EML5: variants seen among roughly 807,000 people sequenced by gnomAD.
The protein encoded by EML5 is echinoderm microtubule-associated protein-like 5.
A neutral mutation model predicts 250.0 loss-of-function variants in EML5; 120 were observed. That is an observed-to-expected ratio of 0.48 (90% CI 0.41 to 0.56). The LOEUF is 0.56. EML5 is among the 20% of genes least tolerant of loss of function. The probability of loss-of-function intolerance (pLI) is 0.00; values close to 1 mark genes in which losing one functional copy is unlikely to be tolerated. For missense variants in EML5, 2,006 were observed against 2,437.6 expected (o/e 0.82, Z 3.73); for synonymous variants, 771 against 806.5 (o/e 0.96, Z 0.75).
intron 2 of EML5, among the ~76,000 whole-genome samples, chr14:88,751,157 T>C (rs988622479): frequency 6.6e-6 from 1 of 152,164 alleles, no homozygotes; most frequent in African/African-American, 2.4e-5. Context: ...TATGCATAGA[T>C]TACGCAACAA....
At chr14:88,678,776 T>G (rs1002819902) in intron 21 of EML5, among the ~76,000 whole-genome samples, 2 of 152,180 alleles carry the variant, frequency 1.3e-5, no homozygotes, top group African/African-American at 4.8e-5. Context: ...ACTGTGAGAA[T>G]AATTCTTATT....
intron 1 of EML5, among the ~76,000 whole-genome samples, chr14:88,774,034 G>A (rs574004601): frequency 2.0e-5 from 3 of 152,104 alleles, no homozygotes; most frequent in Admixed American, 6.6e-5. Context: ...CAAGATAATC[G>A]CTCGAACCCG....
chr14:88,675,286 C>T (rs557024681), intron 21 of EML5, among the ~76,000 whole-genome samples: 1 of 152,348 alleles, frequency 6.6e-6, no homozygotes, highest in East Asian at 1.9e-4. Context: ...CAAACTTCTG[C>T]CTGGGCATCC....
At chr14:88,745,128 AAT>A (rs1160052598) in intron 3 of EML5, among the ~76,000 whole-genome samples, 1 of 149,636 alleles carries the variant, frequency 6.7e-6, no homozygotes, top group Non-Finnish European at 1.5e-5. Context: ...TGTCTAATAA[AAT>A]ATATCCAACA....
At chr14:88,728,618 TGAG>T (rs2093703899) in intron 7 of EML5, among the ~76,000 whole-genome samples, 1 of 152,120 alleles carries the variant, frequency 6.6e-6, no homozygotes, top group Non-Finnish European at 1.5e-5. Context: ...TTGTGTAGGC[TGAG>T]GAGGAGGAAG....
At chr14:88,704,627 G>A (rs980667798) in intron 13 of EML5, among the ~76,000 whole-genome samples, 2 of 152,082 alleles carry the variant, frequency 1.3e-5, no homozygotes, top group Admixed American at 6.6e-5. Flanking sequence ...TCCCAACAAT[G>A]TCCTTTATAA....
intron 17 of EML5, among the ~76,000 whole-genome samples, chr14:88,688,708 G>A (rs1459265061): frequency 6.6e-6 from 1 of 152,164 alleles, no homozygotes; most frequent in Non-Finnish European, 1.5e-5. Context: ...GTTTTAATCA[G>A]CCCTTAGCAC....
chr14:88,739,433 G>T (rs2140235821), intron 5 of EML5, among the ~76,000 whole-genome samples: 1 of 151,988 alleles, frequency 6.6e-6, no homozygotes, highest in South Asian at 2.1e-4. Context: ...AAATATCAAG[G>T]CATGACTATA....
At chr14:88,765,799 C>A (rs1312902101) in intron 1 of EML5, among the ~76,000 whole-genome samples, 6 of 152,152 alleles carry the variant, frequency 3.9e-5, no homozygotes, top group African/African-American at 1.4e-4. Flanking sequence ...CATTTTTCTA[C>A]AACTTCTATT....
chr14:88,737,272 C>T (rs1421731915), intron 6 of EML5, among the ~76,000 whole-genome samples: 1 of 152,216 alleles, frequency 6.6e-6, no homozygotes, highest in Admixed American at 6.5e-5. Flanking sequence ...TGCTGTAACA[C>T]CCCCTTTGGG....
chr14:88,660,138 C>T (rs534523194), intron 25 of EML5, among the ~76,000 whole-genome samples: 2 of 151,816 alleles, frequency 1.3e-5, no homozygotes, highest in South Asian at 2.1e-4. Flanking sequence ...TTTACATTAG[C>T]CAGGCATGGT....
At chr14:88,775,918 A>AGC in intron 1 of EML5, among the ~76,000 whole-genome samples, 1 of 152,184 alleles carries the variant, frequency 6.6e-6, no homozygotes, top group Non-Finnish European at 1.5e-5. Flanking sequence ...AGAGAGAGAG[A>AGC]GAGAGACTCC....
At chr14:88,722,933 A>G (rs963195268) in intron 8 of EML5, among the ~76,000 whole-genome samples, 1 of 152,174 alleles carries the variant, frequency 6.6e-6, no homozygotes, top group Non-Finnish European at 1.5e-5. Context: ...AAATGTTCAT[A>G]AGAGCTAAGA....
At chr14:88,772,318 C>A (rs1239359241) in intron 1 of EML5, among the ~76,000 whole-genome samples, 2 of 152,276 alleles carry the variant, frequency 1.3e-5, no homozygotes, top group East Asian at 3.9e-4. Flanking sequence ...TATTGCTTCC[C>A]TTTAGAGCTT....
At chr14:88,764,483 TTC>T (rs2094293652) in intron 1 of EML5, among the ~76,000 whole-genome samples, 1 of 152,202 alleles carries the variant, frequency 6.6e-6, no homozygotes, top group Non-Finnish European at 1.5e-5. Context: ...AATTTTTGTC[TTC>T]TCTTTTTTAT....
intron 7 of EML5, among the ~76,000 whole-genome samples, chr14:88,731,177 G>A (rs527455447): frequency 9.9e-4 from 151 of 151,770 alleles, no homozygotes; most frequent in African/African-American, 3.3e-3. Flanking sequence ...TCATTAACTC[G>A]TCATTTACAT....
intron 33 of EML5, among the ~76,000 whole-genome samples, chr14:88,628,176 CAAATATTAAACAAT>C (rs1299928795): frequency 1.3e-5 from 2 of 152,028 alleles, no homozygotes; most frequent in African/African-American, 2.4e-5. Flanking sequence ...GAGAACTATA[CAAATATTAAACAAT>C]AAATATTAAA....
At chr14:88,748,699 A>G (rs2094044667) in intron 2 of EML5, among the ~76,000 whole-genome samples, 1 of 152,170 alleles carries the variant, frequency 6.6e-6, no homozygotes, top group African/African-American at 2.4e-5. Context: ...GTTAAAATTA[A>G]CATTTTCAAG....
At chr14:88,711,264 G>A (rs753249417) in intron 10 of EML5, among the ~76,000 whole-genome samples, 25 of 150,956 alleles carry the variant, frequency 1.7e-4, no homozygotes, top group Admixed American at 3.3e-4. Flanking sequence ...ATCCTCATGT[G>A]TTGAAGGAGA....
Sources: gnomAD v4.1 joint callset for allele counts (sites outside exome capture counted in the v4.1 genomes callset) on GRCh38, gnomAD v4.1.1 for gene constraint, MANE v1.5 for transcripts, NCBI Gene and HGNC (gene_info 2026-07-23, HGNC 2026-07-21) for gene names.